Variants in PKD1L1 observed in about 807,000 individuals in gnomAD.
PKD1L1 encodes the protein polycystin-1-like protein 1.
Under a neutral mutation model 323.4 loss-of-function variants are expected in PKD1L1, and 236 were observed. The ratio of observed to expected loss-of-function variants is 0.73; its 90% confidence interval spans 0.66 to 0.81. The LOEUF is 0.81. Among genes scored for constraint, PKD1L1 ranks in the 40% least tolerant of loss-of-function variants. PKD1L1 has a pLI of 0.00. For missense variants in PKD1L1, 3,320 were observed against 3,508.0 expected (o/e 0.95, Z 1.35); for synonymous variants, 1,344 against 1,335.0 (o/e 1.01, Z -0.15).
intron 17 of PKD1L1, 44 bp downstream of exon 17, chr7:47,887,946 G>GA (rs1213061096): frequency 8.9e-6 from 14 of 1,568,186 alleles, no homozygotes; most frequent in Non-Finnish European, 1.2e-5. Flanking sequence ...ATAACCCTGA[G>GA]TTTTTCCCTC....
chr7:47,905,806 GGTTTTTGTTAAATCT>G (rs749982457), intron 10 of PKD1L1, 22 bp downstream of exon 10: 1 of 1,608,414 alleles, frequency 6.2e-7, no homozygotes, highest in African/African-American at 1.3e-5. Flanking sequence ...GCGCGAGGGA[GGTTTTTGTTAAATCT>G]GGAATTAAAA....
At chr7:47,814,445 C>T (rs1562942909) in intron 47 of PKD1L1, among the ~76,000 whole-genome samples, 1 of 152,112 alleles carries the variant, frequency 6.6e-6, no homozygotes, top group East Asian at 1.9e-4. Context: ...AGTGGTGTGA[C>T]CTGAGCTCAC....
In PKD1L1 at chr7:47,795,330, T is replaced by C. The variant is rs1172773547; in HGVS notation, c.8355+659A>G. ...GAAGAAGTCTCACAAGATCTGATCA[T>C]TTATAATGGGTTTCCACTTTTGCAT... is the stretch of plus-strand genomic sequence containing the variant. On this transcript the variant is annotated intron_variant, in intron 55 of 56. Coordinates refer to ENST00000289672, the MANE Select transcript of PKD1L1 (RefSeq NM_138295.5). 8.8e-6 allele frequency: 4 copies of C among 455,634 alleles called. No homozygotes were observed. The East Asian group carries it at 2.8e-4, about 32-fold the overall frequency. 28.2% of individuals were successfully genotyped at this position (455,634 alleles called of 1,614,324 possible).
rs370374901 is a variant in PKD1L1 at position 47,838,802 on chromosome 7, C to T, written c.5769+644G>A. Among the ~76,000 whole-genome samples the T allele has an allele frequency of 9.1e-4, 125 of 137,676 alleles. 1 individual carries two copies. The highest frequency in any genetic ancestry group is 8.5e-3 in the Admixed American group (105 of 12,348). The allele number at this position is 137,676 out of a possible 152,430, so 90.3% of individuals were successfully genotyped here. On this transcript the variant is annotated intron_variant, in intron 36 of 56. Coordinates refer to ENST00000289672, the MANE Select transcript of PKD1L1 (RefSeq NM_138295.5). ...CTGAGGCAGGAGAATCACTTGAACC[C>T]GGGAGGCAGAGGTTGCAGTGAGTCG... is the stretch of plus-strand genomic sequence containing the variant.
chr7:47,947,446 A>ACAGG (rs1788119584), intron 1 of PKD1L1, among the ~76,000 whole-genome samples: 1 of 152,242 alleles, frequency 6.6e-6, no homozygotes, highest in South Asian at 2.1e-4. Context: ...ATCTGCAGGC[A>ACAGG]CAGGCTCCCA....
intron 8 of PKD1L1, 71 bp from the exon 9 acceptor site, chr7:47,908,321 A>G: frequency 7.2e-7 from 1 of 1,397,260 alleles, no homozygotes; most frequent in Non-Finnish European, 9.9e-7. Flanking sequence ...CATTTGTAGA[A>G]TGGTCAAAAT....
At chr7:47,778,658 AG>A (rs1202675200) in intron 56 of PKD1L1, among the ~76,000 whole-genome samples, 1 of 151,898 alleles carries the variant, frequency 6.6e-6, no homozygotes, top group Non-Finnish European at 1.5e-5. Context: ...AATTGAAATG[AG>A]ACTATGTATT....
At chr7:47,957,440 C>T in the PKD1L1 span, 6 of 152,018 alleles carry the variant, frequency 3.9e-5, no homozygotes, top group African/African-American at 1.4e-4. Context: ...AAGACTCCAC[C>T]AAAAAAACTG....
chr7:47,951,768 T>C (rs957830229), upstream of PKD1L1, among the ~76,000 whole-genome samples: 6 of 152,208 alleles, frequency 3.9e-5, no homozygotes, highest in African/African-American at 1.4e-4. Flanking sequence ...GGCAAGTGTA[T>C]ACATAAAATA....
rs775035974 is a variant in PKD1L1 at position 47,865,286 on chromosome 7, A to G, written c.4093-14T>C. The G allele has an allele frequency of 6.2e-7, 1 of 1,609,896 alleles. No individual in the cohort carries two copies. The highest frequency in any genetic ancestry group is 8.5e-7 in the Non-Finnish European group (1 of 1,177,810). On this transcript the variant is annotated splice_polypyrimidine_tract_variant and intron_variant, in intron 25 of 56. Coordinates refer to ENST00000289672, the MANE Select transcript of PKD1L1 (RefSeq NM_138295.5). The stretch of plus-strand genomic sequence containing the variant: ...AATCATTTCTTCCTGACCAGAAGAA[A>G]CAACAATAAAACAAAAAGAAAATGC...
At chr7:47,781,210 T>C (rs1332010819) in intron 56 of PKD1L1, among the ~76,000 whole-genome samples, 1 of 152,156 alleles carries the variant, frequency 6.6e-6, no homozygotes, top group African/African-American at 2.4e-5. Context: ...GAAATGTCTG[T>C]TCATTATTTT....
In PKD1L1 at chr7:47,857,757, A is replaced by G. The variant is rs1785936588; in HGVS notation, c.4438T>C (p.Ser1480Pro). 6.2e-7 allele frequency: 1 copy of G among 1,614,002 alleles called. No individual in the cohort carries two copies. The highest frequency in any genetic ancestry group is 1.3e-5 in the African/African-American group (1 of 74,918). Residue 1480 changes from serine (S) to proline (P), a missense_variant, in exon 28 of 57, where the codon TCT becomes CCT. Transcript: ENST00000289672. ...TGGACAGATCCCAGGCTCTGGACAG[A>G]GCTCTGAAGGTTGTAATGAAGAAGG... ...RTLLHYNLQS[S>P]VQSLGSVQVH... is the part of the protein sequence containing the mutation.
chr7:47,924,772 G>C (rs1159916721), intron 7 of PKD1L1, among the ~76,000 whole-genome samples: 1 of 152,182 alleles, frequency 6.6e-6, no homozygotes, highest in Non-Finnish European at 1.5e-5. Flanking sequence ...GCAAGATGGA[G>C]TCAGTCATGC....
At position 47,788,579 on chromosome 7, in the gene PKD1L1, T is replaced by TATATA. The variant is rs200657195; in HGVS notation, c.8526+4047_8526+4048insTATAT. Among the ~76,000 whole-genome samples the TATATA allele has an allele frequency of 5.7e-3, 402 of 70,648 alleles. 6 individuals are homozygous for TATATA. The highest frequency in any genetic ancestry group is 0.018 in the African/African-American group (362 of 20,170). 46.3% of individuals were successfully genotyped at this position (70,648 alleles called of 152,430 possible). ...AGCCCAGTTATATATATATATATAT[T>TATATA]TTTTTTTTTTAATTTTAATTTTAAT... On this transcript the variant is annotated intron_variant, in intron 56 of 56. Transcript: ENST00000289672.
At position 47,936,906 on chromosome 7, in the gene PKD1L1, G is replaced by GT. The variant is rs1562998434; in HGVS notation, c.337dup (p.Thr113AsnfsTer6). The GT allele has an allele frequency of 2.5e-6, 4 of 1,613,938 alleles. No homozygotes were observed. In the Admixed American group the frequency reaches 5.0e-5, roughly 20 times the overall value. ...TGTTTTTTCATTAACAACAGCCTGTGTTTTTTCATTAACAACACTTAACGC... is the reference window on the plus strand; with the variant it reads ...TGTTTTTTCATTAACAACAGCCTGTGTTTTTTTCATTAACAACACTTAACGC... On this transcript the variant is annotated frameshift_variant, in exon 4 of 57. Transcript: ENST00000289672. LOFTEE classifies it high-confidence loss of function.
intron 54 of PKD1L1, 106 bp downstream of exon 54, chr7:47,800,543 C>A: frequency 8.8e-7 from 1 of 1,142,324 alleles, no homozygotes; most frequent in Non-Finnish European, 1.3e-6. Flanking sequence ...ACCATGAGAT[C>A]TGGCCTGTGT....
Position 47,898,009 on chromosome 7 carries a change from C to G in PKD1L1, c.2250G>C (p.Gly750=). ...TGACCTTGGCAAGGGCAGTGTAGTT[C>G]CCATACTCCAAGGTGTGGCTCGGGA... ...LILPSHTLEY[G]NYTALAKVQI... is the part of the protein sequence containing the mutation. Residue 750 remains glycine (G), a synonymous_variant, in exon 14 of 57, where the codon GGG becomes GGC. Coordinates refer to ENST00000289672, the MANE Select transcript of PKD1L1 (RefSeq NM_138295.5). The G allele has an allele frequency of 2.5e-6, 4 of 1,612,162 alleles. No homozygotes were observed. The highest frequency in any genetic ancestry group is 3.4e-6 in the Non-Finnish European group (4 of 1,179,748).
intron 45 of PKD1L1, among the ~76,000 whole-genome samples, chr7:47,821,834 C>G (rs887177395): frequency 6.6e-6 from 1 of 151,852 alleles, no homozygotes; most frequent in Non-Finnish European, 1.5e-5. Context: ...ATTACAGGCA[C>G]CCACCACCAC....
chr7:47,839,803 G>A lies in PKD1L1; in HGVS notation c.5553-141C>T. On this transcript the variant is annotated intron_variant, in intron 35 of 56. Transcript: ENST00000289672. The surrounding 1 kb of genome is among the most constrained non-coding windows in gnomAD (Gnocchi z 4.3). ...ATGTCAAAGGTGACTGACATGCAGA[G>A]TGACATGTGAAGCCCCCTGGAACCC... 1.2e-6 allele frequency: 1 copy of A among 837,984 alleles called. No homozygotes were observed. Among genetic ancestry groups the A allele is most frequent in the South Asian group, 1.8e-5 (1 of 55,028 alleles). 51.9% of individuals were successfully genotyped at this position (837,984 alleles called of 1,614,324 possible). A position where few individuals can be genotyped will look rare whatever the true frequency, so the allele number is the denominator to read the frequency against.
Sources: allele counts gnomAD v4.1 joint callset (sites outside exome capture counted in the v4.1 genomes callset), GRCh38; gene constraint gnomAD v4.1.1; non-coding constraint Gnocchi (gnomAD v3.1); transcripts MANE v1.5; gene names NCBI Gene and HGNC (gene_info 2026-07-23, HGNC 2026-07-21).